ANKDD1A: variants seen among roughly 807,000 people sequenced by gnomAD.
The protein encoded by ANKDD1A is ankyrin repeat and death domain containing 1A.
A neutral mutation model predicts 63.5 loss-of-function variants in ANKDD1A; 59 were observed. That is an observed-to-expected ratio of 0.93 (90% CI 0.75 to 1.15). The LOEUF (loss-of-function observed/expected upper bound fraction) is 1.15, where lower values mean the gene tolerates loss of function less well. Among genes scored for constraint, ANKDD1A ranks in the 50% most tolerant of loss-of-function variants. The pLI is 0.00. For synonymous variants in ANKDD1A, 266 were observed against 263.9 expected (o/e 1.01, Z -0.08); for missense variants, 632 against 656.4 (o/e 0.96, Z 0.41).
chr15:64,951,731 T>TTTCCTTTTCC (rs2085285056), intron 14 of ANKDD1A, among the ~76,000 whole-genome samples: 2 of 146,178 alleles, frequency 1.4e-5, no homozygotes, highest in African/African-American at 2.5e-5. Context: ...CCTTTTCTTC[T>TTTCCTTTTCC]TTCCTCCTTC....
chr15:64,951,188 CT>C (rs1450667196), intron 14 of ANKDD1A: 2 of 1,048,334 alleles, frequency 1.9e-6, no homozygotes, highest in East Asian at 2.0e-4. Context: ...GTACACTGAT[CT>C]TTTTCATGAG....
chr15:64,921,914 C>A lies in ANKDD1A; in HGVS notation c.268-7C>A. ...TCTTCTCACCTCCTCTATGTCCTCTCCCCTAGTTTGGGATGAATGCGCTTC... is the reference window on the plus strand; with the variant it reads ...TCTTCTCACCTCCTCTATGTCCTCTACCCTAGTTTGGGATGAATGCGCTTC... On this transcript the variant is annotated splice_region_variant and splice_polypyrimidine_tract_variant and intron_variant, in intron 3 of 14. Transcript: ENST00000319580. 1.9e-6 allele frequency: 3 copies of A among 1,613,734 alleles called. No individual in the cohort carries two copies. Among genetic ancestry groups the A allele is most frequent in the East Asian group, 2.2e-5 (1 of 44,874 alleles).
chr15:64,955,736 GATAAA>G (rs1394514706), intron 14 of ANKDD1A, among the ~76,000 whole-genome samples: 3 of 152,272 alleles, frequency 2.0e-5, no homozygotes, highest in East Asian at 3.9e-4. Flanking sequence ...CTGGAAAGGA[GATAAA>G]ATAAAACAGC....
Position 64,942,570 on chromosome 15 carries a change from G to A in ANKDD1A, c.966+5G>A. ...GACGTGAATGCCGTGGACAATGTAA[G>A]TGGCTACAGAGACCTTCCGGGCCCC... On this transcript the variant is annotated splice_donor_5th_base_variant and intron_variant, in intron 10 of 14. Transcript: ENST00000319580. The A allele has an allele frequency of 6.2e-7, 1 of 1,611,194 alleles. No individual in the cohort carries two copies. The highest frequency in any genetic ancestry group is 8.5e-7 in the Non-Finnish European group (1 of 1,178,536).
chr15:64,954,388 TTC>T (rs587682745), intron 14 of ANKDD1A, among the ~76,000 whole-genome samples: 68 of 144,286 alleles, frequency 4.7e-4, no homozygotes, highest in African/African-American at 1.8e-3. Flanking sequence ...TCTTTTCTTC[TTC>T]TTTCTTCTTC....
At chr15:64,951,720 C>CGTT (rs1276132353) in intron 14 of ANKDD1A, among the ~76,000 whole-genome samples, 43,383 of 136,196 alleles carry the variant, frequency 0.32, 8,034 homozygotes, top group South Asian at 0.46. Flanking sequence ...TCTTTTTCTT[C>CGTT]CCTTTTCTTC....
At position 64,947,571 on chromosome 15, in the gene ANKDD1A, C is replaced by T. The variant is rs375737265; in HGVS notation, c.1329C>T (p.Asp443=). ...YSWEFTEAHV[D]AIEQQWTGTR... The stretch of plus-strand genomic sequence containing the variant: ...GGGAGTTCACGGAGGCACATGTCGA[C>T]GCCATCGAGCAACAGTGGACAGGTA... Residue 443 remains aspartate (D), a synonymous_variant, in exon 13 of 15, where the codon GAC becomes GAT. Coordinates refer to ENST00000319580, the MANE Select transcript of ANKDD1A (RefSeq NM_182703.6). 3.1e-5 allele frequency: 50 copies of T among 1,614,078 alleles called. No individual in the cohort carries two copies. Among genetic ancestry groups the T allele is most frequent in the African/African-American group, 1.6e-4 (12 of 75,052 alleles).
chr15:64,921,563 C>T (rs2085006705), intron 3 of ANKDD1A, among the ~76,000 whole-genome samples: 1 of 151,968 alleles, frequency 6.6e-6, no homozygotes, highest in Admixed American at 6.6e-5. Flanking sequence ...TTAGTAGAGA[C>T]GGGGTTTCAC....
chr15:64,954,731 CTTCTTCCTTCTCCTT>C (rs2085396440), intron 14 of ANKDD1A, among the ~76,000 whole-genome samples: 1,280 of 63,148 alleles, frequency 0.02, 19 homozygotes, highest in African/African-American at 0.052. Context: ...CCTCCTCCTT[CTTCTTCCTTCTCCTT>C]CTTCTTTCTT....
intron 9 of ANKDD1A, among the ~76,000 whole-genome samples, chr15:64,938,014 A>T (rs2085149055): frequency 6.6e-6 from 1 of 152,218 alleles, no homozygotes; most frequent in Admixed American, 6.5e-5. Flanking sequence ...GCCACCAGAG[A>T]GAGCTCCCAA....
chr15:64,932,009 T>C, intron 8 of ANKDD1A: 1 of 210,460 alleles, frequency 4.8e-6, no homozygotes, highest in Non-Finnish European at 9.5e-6. Flanking sequence ...TTTTCCTGAC[T>C]CAGCCTCCCA....
intron 14 of ANKDD1A, chr15:64,950,617 T>C (rs1208711953): frequency 4.6e-5 from 45 of 985,184 alleles, no homozygotes; most frequent in Non-Finnish European, 5.2e-5. Context: ...CCACTGATAG[T>C]TGTGAAGTCT....
chr15:64,944,087 A>G (rs1175199262), intron 11 of ANKDD1A, among the ~76,000 whole-genome samples: 2 of 152,166 alleles, frequency 1.3e-5, no homozygotes, highest in East Asian at 3.9e-4. Context: ...CCAGCCTAGT[A>G]TGGTGTGGGG....
At chr15:64,916,787 C>T (rs2084971060) in intron 2 of ANKDD1A, among the ~76,000 whole-genome samples, 1 of 152,214 alleles carries the variant, frequency 6.6e-6, no homozygotes, top group African/African-American at 2.4e-5. Flanking sequence ...TCATTGTCCC[C>T]TCATAAGCTG....
intron 14 of ANKDD1A, chr15:64,951,555 T>TC (rs1491492260): frequency 2.9e-4 from 2 of 6,928 alleles, no homozygotes; most frequent in East Asian, 0.083. Context: ...TCTTCTCTTC[T>TC]TTCTTTTTCT....
At chr15:64,957,002 G>T in intron 14 of ANKDD1A, 101 bp from the exon 15 acceptor site, 1 of 414,646 alleles carries the variant, frequency 2.4e-6, no homozygotes, top group Non-Finnish European at 4.7e-6. Flanking sequence ...TATATGTTGC[G>T]AGCTAAATGT....
intron 3 of ANKDD1A, among the ~76,000 whole-genome samples, 189 bp downstream of exon 3, chr15:64,917,703 C>T (rs1354684304): frequency 6.6e-6 from 1 of 152,186 alleles, no homozygotes; most frequent in African/African-American, 2.4e-5. Context: ...CAATGAAGAG[C>T]TCTCCACTTT....
chr15:64,933,813 C>G (rs1192349336), intron 8 of ANKDD1A, among the ~76,000 whole-genome samples: 4 of 151,562 alleles, frequency 2.6e-5, no homozygotes, highest in African/African-American at 9.7e-5. Context: ...TGTACTCCAG[C>G]TTGGGTGACA....
intron 9 of ANKDD1A, among the ~76,000 whole-genome samples, chr15:64,936,322 T>C (rs2085131977): frequency 6.6e-6 from 1 of 152,166 alleles, no homozygotes; most frequent in African/African-American, 2.4e-5. Context: ...TACTTGTTTC[T>C]GCCCATCAAG....
Sources: gnomAD v4.1 joint callset for allele counts (sites outside exome capture counted in the v4.1 genomes callset) on GRCh38, gnomAD v4.1.1 for gene constraint, MANE v1.5 for transcripts, NCBI Gene and HGNC (gene_info 2026-07-23, HGNC 2026-07-21) for gene names.